Variants in DNAH14 observed in about 807,000 individuals in gnomAD.
DNAH14 encodes the protein axonemal beta dynein heavy chain 14.
In DNAH14, 478 loss-of-function variants were observed where a neutral mutation model predicts 520.9. The ratio of observed to expected loss-of-function variants is 0.92; its 90% CI spans 0.85 to 0.99. DNAH14 has a LOEUF of 0.99. Among genes scored for constraint, DNAH14 ranks in the 50% least tolerant of loss-of-function variants. The probability of loss-of-function intolerance (pLI) is 0.00; values close to 1 mark genes in which losing one functional copy is unlikely to be tolerated. For synonymous variants in DNAH14, 1,581 were observed against 1,757.2 expected (o/e 0.90, Z 2.51); for missense variants, 4,831 against 5,234.5 (o/e 0.92, Z 2.38).
rs1201856788 is a variant in DNAH14 at position 225,272,994 on chromosome 1, A to C, written c.7879A>C (p.Asn2627His). ...GLLQADRTVV[N>H]SKEMAALLFV... ...GCTGCAAGCTGACAGGACTGTTGTT[A>C]ACTCCAAAGAGATGGCTGCTCTGCT... The change falls in exon 52 of 86, where the codon AAC becomes CAC. Residue 2627 changes from asparagine (N) to histidine (H), a missense_variant. Coordinates refer to ENST00000682510, the MANE Select transcript of DNAH14 (RefSeq NM_001367479.1). The C allele has an allele frequency of 3.2e-6, 5 of 1,549,966 alleles. No homozygotes were observed. The Admixed American group carries it at 9.9e-5, about 31-fold the overall frequency.
At position 224,952,760 on chromosome 1, in the gene DNAH14, G is replaced by A; in HGVS notation, c.58G>A (p.Glu20Lys). The A allele has an allele frequency of 6.3e-7, 1 of 1,599,724 alleles. No individual in the cohort carries two copies. Among genetic ancestry groups the A allele is most frequent in the Middle Eastern group, 1.7e-4 (1 of 6,010 alleles). The change falls in exon 2 of 86, where the codon GAA becomes AAA. Residue 20 changes from glutamate to lysine, a missense_variant. Glu to Lys is a moderately conservative substitution (Grantham distance 56). Coordinates refer to ENST00000682510, the MANE Select transcript of DNAH14 (RefSeq NM_001367479.1). ...TTENQEMDKE[E>K]TKTKPRLLRY... Reference sequence around the variant, plus strand: ...TGAAAATCAAGAGATGGACAAGGAGGAAACCAAGACAAAACCAAGGTAAAA... The same window carrying A: ...TGAAAATCAAGAGATGGACAAGGAGAAAACCAAGACAAAACCAAGGTAAAA...
chr1:225,186,465 CACA>C (rs2084749112), intron 37 of DNAH14, among the ~76,000 whole-genome samples: 1 of 151,876 alleles, frequency 6.6e-6, no homozygotes, highest in African/African-American at 2.4e-5. Context: ...ATTTAATTCT[CACA>C]ACAACTGTGA....
chr1:225,203,133 C>A (rs1423747732), intron 38 of DNAH14, among the ~76,000 whole-genome samples: 1 of 152,150 alleles, frequency 6.6e-6, no homozygotes, highest in Non-Finnish European at 1.5e-5. Context: ...TTTATTCTTG[C>A]AGTCATTCTG....
At chr1:225,332,368 A>T (rs1422741254) in intron 65 of DNAH14, among the ~76,000 whole-genome samples, 1 of 152,166 alleles carries the variant, frequency 6.6e-6, no homozygotes, top group East Asian at 1.9e-4. Context: ...AGGCAGTGGA[A>T]CATCAGCATA....
chr1:225,144,372 T>C lies in DNAH14; in HGVS notation c.4509-25T>C, dbSNP rs771902247. On this transcript the variant is annotated intron_variant, in intron 28 of 85. Transcript: ENST00000682510. ...ATAAAAATAATTTAACCAAATAATA[T>C]GAACATTTAAAATTTGGCTTTCAGA... 35 of 1,481,904 alleles carry C rather than the reference T, an allele frequency of 2.4e-5. No individual in the cohort carries two copies. In the African/African-American group the frequency reaches 4.6e-4, roughly 19 times the overall value. 91.8% of individuals were successfully genotyped at this position (1,481,904 alleles called of 1,614,324 possible). A position where few individuals can be genotyped will look rare whatever the true frequency, so the allele number is the denominator to read the frequency against.
intron 38 of DNAH14, 103 bp downstream of exon 38, chr1:225,193,014 A>T: frequency 1.1e-6 from 1 of 885,242 alleles, no homozygotes; most frequent in Admixed American, 3.4e-5. Flanking sequence ...CTATTAGTGT[A>T]AAAGTAAATT....
chr1:225,037,983 C>T (rs919063688), intron 11 of DNAH14, among the ~76,000 whole-genome samples: 4 of 152,088 alleles, frequency 2.6e-5, no homozygotes, highest in African/African-American at 9.7e-5. Flanking sequence ...CCACCATGCC[C>T]GGCCAATATT....
intron 38 of DNAH14, among the ~76,000 whole-genome samples, chr1:225,195,147 C>A (rs2085957421): frequency 6.6e-6 from 1 of 152,100 alleles, no homozygotes; most frequent in Admixed American, 6.6e-5. Flanking sequence ...CCAGCCATCC[C>A]ATTATTGGGC....
intron 64 of DNAH14, 67 bp from the exon 65 acceptor site, chr1:225,331,370 C>T: frequency 4.8e-6 from 7 of 1,449,716 alleles, no homozygotes; most frequent in Non-Finnish European, 5.6e-6. Context: ...ATATAAATGA[C>T]AGCTAAAGTC....
chr1:225,214,166 C>A (rs1048712096), intron 41 of DNAH14, among the ~76,000 whole-genome samples: 1 of 152,102 alleles, frequency 6.6e-6, no homozygotes, highest in Admixed American at 6.6e-5. Flanking sequence ...TTGAGATAAT[C>A]ATGTGGTTTT....
intron 20 of DNAH14, among the ~76,000 whole-genome samples, chr1:225,083,716 A>G (rs2073404919): frequency 6.6e-6 from 1 of 152,096 alleles, no homozygotes; most frequent in African/African-American, 2.4e-5. Context: ...TAAATATCTC[A>G]TCTTAGAGCC....
chr1:225,338,060 GAATCTC>G lies in DNAH14; in HGVS notation c.10312_10317del (p.Asn3438_Leu3439del). On this transcript the variant is annotated inframe_deletion and splice_region_variant, in exon 68 of 86. Coordinates refer to ENST00000682510, the MANE Select transcript of DNAH14 (RefSeq NM_001367479.1). The stretch of plus-strand genomic sequence containing the variant: ...TTATTTTTGTCTATTGGGTTTTTCA[GAATCTC>G]CTTGAGACATTAGCTCCAGGCTTAA... 6.6e-7 allele frequency: 1 copy of G among 1,508,736 alleles called. No individual in the cohort carries two copies. Among genetic ancestry groups the G allele is most frequent in the Non-Finnish European group, 8.8e-7 (1 of 1,133,428 alleles). 93.5% of individuals were successfully genotyped at this position (1,508,736 alleles called of 1,614,324 possible). A position where few individuals can be genotyped will look rare whatever the true frequency, so the allele number is the denominator to read the frequency against.
chr1:225,207,058 G>A lies in DNAH14; in HGVS notation c.6277G>A (p.Glu2093Lys). ...AAGTCAATCAGGAGTGGATTGTCTT[G>A]AATTCATGATTAAAAATAGTGTCAC... ...IISQSGVDCL[E>K]FMIKNSVTDG... is the part of the protein sequence containing the mutation. Residue 2093 changes from glutamate (E) to lysine (K), a missense_variant, in exon 41 of 86, where the codon GAA becomes AAA. Coordinates refer to ENST00000682510, the MANE Select transcript of DNAH14 (RefSeq NM_001367479.1). The A allele has an allele frequency of 6.4e-7, 1 of 1,550,552 alleles. No homozygotes were observed.
chr1:225,097,501 C>G (rs979972265), intron 22 of DNAH14, among the ~76,000 whole-genome samples: 1 of 152,056 alleles, frequency 6.6e-6, no homozygotes, highest in Non-Finnish European at 1.5e-5. Flanking sequence ...TGGCTGGGCA[C>G]GTTCACTCAC....
chr1:225,387,385 T>TAATAAATA (rs112419260), intron 81 of DNAH14, among the ~76,000 whole-genome samples: 15 of 151,812 alleles, frequency 9.9e-5, no homozygotes, highest in East Asian at 5.8e-4. Flanking sequence ...TAAAGTATAA[T>TAATAAATA]AATAAATAAA....
intron 57 of DNAH14, 108 bp downstream of exon 57, chr1:225,303,455 C>A: frequency 1.1e-6 from 1 of 907,600 alleles, no homozygotes; most frequent in Non-Finnish European, 1.6e-6. Flanking sequence ...CAGTTCTAAG[C>A]TAATTTACAA....
At chr1:225,371,882 A>G (rs1315141556) in intron 77 of DNAH14, among the ~76,000 whole-genome samples, 1 of 152,212 alleles carries the variant, frequency 6.6e-6, no homozygotes, top group African/African-American at 2.4e-5. Context: ...AGAATAGCAT[A>G]AATTAGGGAG....
At chr1:225,138,115 G>A (rs950150185) in intron 27 of DNAH14, among the ~76,000 whole-genome samples, 1 of 152,112 alleles carries the variant, frequency 6.6e-6, no homozygotes. Context: ...CCCCCTGGGA[G>A]TTCTCTGCTA....
intron 8 of DNAH14, among the ~76,000 whole-genome samples, chr1:224,991,084 C>CATTTTTTTTTTTT (rs1558617220): frequency 2.6e-5 from 2 of 77,900 alleles, no homozygotes. Flanking sequence ...TGATGTTGAG[C>CATTTTTTTTTTTT]TTTTTTTTTT....
Sources: gnomAD v4.1 joint callset for allele counts (sites outside exome capture counted in the v4.1 genomes callset) on GRCh38, gnomAD v4.1.1 for gene constraint, MANE v1.5 for transcripts, NCBI Gene and HGNC (gene_info 2026-07-23, HGNC 2026-07-21) for gene names.